Variants in SPOCK3 observed in about 807,000 individuals in gnomAD.
SPOCK3 encodes the protein SPARC (osteonectin), cwcv and kazal like domains proteoglycan 3.
A neutral mutation model predicts 56.6 loss-of-function variants in SPOCK3; 30 were observed. The ratio of observed to expected loss-of-function variants is 0.53; its 90% CI spans 0.40 to 0.72. The LOEUF (loss-of-function observed/expected upper bound fraction) is 0.72. Ranked by LOEUF, SPOCK3 falls within the 30% of genes least tolerant of loss-of-function variation. SPOCK3 has a pLI of 0.00. For synonymous variants in SPOCK3, 196 were observed against 183.3 expected, an observed-to-expected ratio of 1.07 and a Z score of -0.56; for missense variants, 527 against 530.0, an observed-to-expected ratio of 0.99 and a Z score of 0.06.
chr4:166,942,465 T>G (rs572010245), intron 4 of SPOCK3, among the ~76,000 whole-genome samples: 11 of 134,924 alleles, frequency 8.2e-5, no homozygotes, highest in Non-Finnish European at 1.5e-4. Flanking sequence ...TGCCTTGGCC[T>G]CCACTTAAAA....
chr4:166,823,958 C>T (rs1372488668), intron 6 of SPOCK3, among the ~76,000 whole-genome samples: 3 of 152,164 alleles, frequency 2.0e-5, no homozygotes, highest in South Asian at 2.1e-4. Context: ...CAGCTGTTAT[C>T]GGTTAATGAG....
intron 4 of SPOCK3, among the ~76,000 whole-genome samples, chr4:166,964,959 T>C (rs1253258321): frequency 6.6e-6 from 1 of 151,866 alleles, no homozygotes; most frequent in Admixed American, 6.6e-5. Flanking sequence ...AAAATACCAA[T>C]CTCTCTTGTG....
intron 4 of SPOCK3, among the ~76,000 whole-genome samples, chr4:166,983,572 G>T (rs2150097583): frequency 6.6e-6 from 1 of 152,120 alleles, no homozygotes; most frequent in South Asian, 2.1e-4. Flanking sequence ...TAGCTGCATG[G>T]GATGGCTATA....
intron 2 of SPOCK3, among the ~76,000 whole-genome samples, chr4:167,113,324 T>C (rs1761056316): frequency 6.6e-6 from 1 of 152,128 alleles, no homozygotes; most frequent in Admixed American, 6.6e-5. Context: ...TTTATGATTA[T>C]ACATTTATAT....
intron 4 of SPOCK3, among the ~76,000 whole-genome samples, chr4:166,965,392 G>GTTT (rs143710160): frequency 3.6e-5 from 5 of 139,040 alleles, no homozygotes; most frequent in African/African-American, 5.1e-5. Flanking sequence ...TTCTATTATT[G>GTTT]TTTTTTTTTT....
intron 3 of SPOCK3, among the ~76,000 whole-genome samples, chr4:167,035,239 C>T (rs1752633280): frequency 1.3e-5 from 2 of 152,010 alleles, no homozygotes. Context: ...CCTGATGTAG[C>T]AGTACTTTTT....
chr4:166,749,660 A>G (rs1736118536), intron 8 of SPOCK3, among the ~76,000 whole-genome samples: 2 of 151,914 alleles, frequency 1.3e-5, no homozygotes, highest in Non-Finnish European at 2.9e-5. Context: ...AAATAAAAAT[A>G]AAATAATAAA....
intron 6 of SPOCK3, among the ~76,000 whole-genome samples, chr4:166,875,076 A>C (rs1003474143): frequency 6.8e-6 from 1 of 146,484 alleles, no homozygotes; most frequent in African/African-American, 2.7e-5. Context: ...TTTAAAGGAC[A>C]TATAGATATA....
intron 2 of SPOCK3, among the ~76,000 whole-genome samples, chr4:167,136,136 C>T (rs756866568): frequency 6.6e-6 from 1 of 152,002 alleles, no homozygotes; most frequent in Non-Finnish European, 1.5e-5. Flanking sequence ...AAATCTCTAG[C>T]CCCACCCCAA....
At chr4:166,920,785 TATAA>T (rs1738394060) in intron 4 of SPOCK3, among the ~76,000 whole-genome samples, 1 of 152,198 alleles carries the variant, frequency 6.6e-6, no homozygotes, top group Non-Finnish European at 1.5e-5. Flanking sequence ...TTTATATATA[TATAA>T]ATGTCTTGAT....
chr4:166,823,074 A>G (rs1745094640), intron 6 of SPOCK3, among the ~76,000 whole-genome samples: 1 of 152,110 alleles, frequency 6.6e-6, no homozygotes, highest in African/African-American at 2.4e-5. Flanking sequence ...TCACATTATG[A>G]TGAACACTCA....
intron 2 of SPOCK3, among the ~76,000 whole-genome samples, chr4:167,085,599 A>G (rs1000966401): frequency 3.9e-5 from 6 of 152,160 alleles, no homozygotes; most frequent in Admixed American, 6.6e-5. Flanking sequence ...ATCTAGCGTC[A>G]TGATGGAAGA....
intron 5 of SPOCK3, among the ~76,000 whole-genome samples, chr4:166,908,244 C>T (rs1467772533): frequency 3.3e-5 from 5 of 150,550 alleles, no homozygotes; most frequent in Non-Finnish European, 7.4e-5. Context: ...AAAAATTAGG[C>T]CTTCCCCTTT....
intron 2 of SPOCK3, among the ~76,000 whole-genome samples, chr4:167,145,298 G>C (rs1201032923): frequency 6.6e-6 from 1 of 152,078 alleles, no homozygotes; most frequent in Admixed American, 6.6e-5. Flanking sequence ...TTCTGCTTTG[G>C]ACATATGAAC....
At chr4:166,768,318 G>C (rs1296618123) in intron 7 of SPOCK3, among the ~76,000 whole-genome samples, 3 of 152,156 alleles carry the variant, frequency 2.0e-5, no homozygotes, top group Non-Finnish European at 4.4e-5. Context: ...TTTTTGCAGT[G>C]GCTGGTACCG....
chr4:166,863,308 A>T (rs1401306666), intron 6 of SPOCK3, among the ~76,000 whole-genome samples: 1 of 152,078 alleles, frequency 6.6e-6, no homozygotes, highest in Non-Finnish European at 1.5e-5. Flanking sequence ...GAAAGGAAAA[A>T]CCACTACCAG....
chr4:167,093,804 T>C (rs192661791), intron 2 of SPOCK3, among the ~76,000 whole-genome samples: 10 of 152,334 alleles, frequency 6.6e-5, no homozygotes, highest in Middle Eastern at 3.4e-3. Flanking sequence ...TTTGGGTACA[T>C]ACCCAGTAAT....
chr4:166,831,859 T>C (rs571726169), intron 6 of SPOCK3, among the ~76,000 whole-genome samples: 89 of 151,880 alleles, frequency 5.9e-4, no homozygotes, highest in African/African-American at 2.0e-3. Context: ...TCTCAGTTCT[T>C]AAGGGAAAAG....
At chr4:166,906,253 G>T (rs966015802) in intron 5 of SPOCK3, among the ~76,000 whole-genome samples, 2 of 152,010 alleles carry the variant, frequency 1.3e-5, no homozygotes, top group African/African-American at 4.8e-5. Flanking sequence ...ACACTTTTAG[G>T]ACCATTTCAT....
Sources: gnomAD v4.1 joint callset for allele counts (sites outside exome capture counted in the v4.1 genomes callset) on GRCh38, gnomAD v4.1.1 for gene constraint, MANE v1.5 for transcripts, NCBI Gene and HGNC (gene_info 2026-07-23, HGNC 2026-07-21) for gene names.